DOCK2: variants seen among roughly 807,000 people sequenced by gnomAD.
The protein encoded by DOCK2 is dedicator of cytokinesis protein 2.
A neutral mutation model predicts 248.9 loss-of-function variants in DOCK2; 87 were observed. The observed-to-expected ratio is 0.35, with a 90% CI of 0.29 to 0.42. DOCK2 has a LOEUF of 0.42. Among genes scored for constraint, DOCK2 ranks in the 10% least tolerant of loss-of-function variants. The pLI is 1.00. For missense variants in DOCK2, 1,747 were observed against 2,300.2 expected (o/e 0.76, Z 4.92); for synonymous variants, 805 against 821.6 (o/e 0.98, Z 0.35).
intron 22 of DOCK2, among the ~76,000 whole-genome samples, chr5:169,721,748 A>G (rs1330444909): frequency 6.6e-6 from 1 of 152,218 alleles, no homozygotes; most frequent in Non-Finnish European, 1.5e-5. Context: ...TTCCTGTGTC[A>G]GTATGCAACG....
rs1248380098 is a variant in DOCK2, at chr5:169,800,944, C to CTTTCTT, written c.2555-2111_2555-2110insCTTTTT. Among the ~76,000 whole-genome samples, 366 of 53,184 alleles carry CTTTCTT rather than the reference C, an allele frequency of 6.9e-3. 44 individuals carry two copies. The highest frequency in any genetic ancestry group is 0.044 in the African/African-American group (312 of 7,148). 34.9% of individuals were successfully genotyped at this position (53,184 alleles called of 152,430 possible). ...TTTTTCTTTTTTCTTTTCTTTCTTTCTTTTTTTTTTTTTTTTTTTTTTTTT... is the reference window on the plus strand; with the variant it reads ...TTTTTCTTTTTTCTTTTCTTTCTTTCTTTCTTTTTTTTTTTTTTTTTTTTTTTTTTT... On this transcript the variant is annotated intron_variant, in intron 25 of 51. Coordinates refer to ENST00000520908, the MANE Select transcript of DOCK2 (RefSeq NM_004946.3).
At chr5:169,663,104 CA>C (rs1428089123) in intron 2 of DOCK2, among the ~76,000 whole-genome samples, 1 of 152,092 alleles carries the variant, frequency 6.6e-6, no homozygotes, top group Non-Finnish European at 1.5e-5. Context: ...AGAAATTAGC[CA>C]AAACAAAGGG....
intron 27 of DOCK2, among the ~76,000 whole-genome samples, chr5:169,871,747 C>T (rs1342618200): frequency 6.6e-6 from 1 of 152,136 alleles, no homozygotes; most frequent in African/African-American, 2.4e-5. Flanking sequence ...TCCTGGATGA[C>T]CTCACAGTCC....
intron 22 of DOCK2, among the ~76,000 whole-genome samples, chr5:169,727,976 A>G (rs1171551641): frequency 2.0e-5 from 3 of 152,218 alleles, no homozygotes; most frequent in Non-Finnish European, 2.9e-5. Flanking sequence ...TGGTGAAGCT[A>G]TCACAATAAT....
chr5:169,969,899 T>G (rs756732984), intron 27 of DOCK2, among the ~76,000 whole-genome samples: 3 of 152,222 alleles, frequency 2.0e-5, no homozygotes, highest in Non-Finnish European at 4.4e-5. Flanking sequence ...CAAGAGAAAC[T>G]GAATATCCAA....
chr5:169,751,398 C>T (rs903058318), intron 23 of DOCK2, among the ~76,000 whole-genome samples: 5 of 152,062 alleles, frequency 3.3e-5, no homozygotes, highest in East Asian at 1.9e-4. Flanking sequence ...ACGAGGTGAC[C>T]GGAGTCTTGA....
At chr5:170,059,328 C>G (rs1757247515) in intron 44 of DOCK2, among the ~76,000 whole-genome samples, 1 of 152,104 alleles carries the variant, frequency 6.6e-6, no homozygotes, top group Admixed American at 6.5e-5. Context: ...CAGTGAGGTA[C>G]ATACTATTAT....
At position 169,686,607 on chromosome 5, in the gene DOCK2, T is replaced by G. The variant is rs561739642; in HGVS notation, c.761+2257T>G. On this transcript the variant is annotated intron_variant, in intron 8 of 51. Transcript: ENST00000520908. ...TCTGGGAACACTCCCAATGTCAGTC[T>G]CACTCTGAAGAGCTGCTCTTTCCCT... Among the ~76,000 whole-genome samples the G allele has an allele frequency of 1.1e-3, 171 of 152,304 alleles. 2 individuals carry two copies. The highest frequency in any genetic ancestry group is 3.9e-3 in the African/African-American group (162 of 41,574).
rs746921027 is a variant in DOCK2 at position 170,067,614 on chromosome 5, C to T, written c.4572C>T (p.Ile1524=). The change falls in exon 45 of 52, where the codon ATC becomes ATT. Residue 1524 remains isoleucine, a synonymous_variant. Transcript: ENST00000520908. Reference sequence around the variant, plus strand: ...ACCAGAGTGATGAGACCCTCCCCATCAACCCACTCTCCATGCTCCTGAACG... The same window carrying T: ...ACCAGAGTGATGAGACCCTCCCCATTAACCCACTCTCCATGCTCCTGAACG... ...NQYQSDETLP[I]NPLSMLLNGI... is the part of the protein sequence containing the mutation. 1.2e-6 allele frequency: 2 copies of T among 1,614,210 alleles called. No individual in the cohort carries two copies. The highest frequency in any genetic ancestry group is 1.7e-5 in the Admixed American group (1 of 60,030).
At chr5:170,017,504 C>T (rs1226207612) in intron 32 of DOCK2, among the ~76,000 whole-genome samples, 3 of 152,186 alleles carry the variant, frequency 2.0e-5, no homozygotes, top group Non-Finnish European at 1.5e-5. Context: ...CAGTTCTGCT[C>T]AATACGGCTC....
chr5:169,788,174 C>T (rs913097007), intron 25 of DOCK2, among the ~76,000 whole-genome samples: 2 of 152,076 alleles, frequency 1.3e-5, no homozygotes, highest in African/African-American at 4.8e-5. Flanking sequence ...TCATATATGC[C>T]TTGAATCTGG....
intron 34 of DOCK2, among the ~76,000 whole-genome samples, chr5:170,032,058 G>C (rs1361647801): frequency 6.8e-6 from 1 of 147,072 alleles, no homozygotes; most frequent in Non-Finnish European, 1.5e-5. Flanking sequence ...ACGGAGTCTC[G>C]CTCTGTCGCC....
chr5:169,991,126 G>GA (rs1339492219), intron 29 of DOCK2, among the ~76,000 whole-genome samples: 5 of 152,256 alleles, frequency 3.3e-5, no homozygotes, highest in Non-Finnish European at 5.9e-5. Flanking sequence ...GGCTGAGTGG[G>GA]AAGGTGACCC....
At chr5:169,946,663 C>G (rs1447757208) in intron 27 of DOCK2, among the ~76,000 whole-genome samples, 2 of 152,186 alleles carry the variant, frequency 1.3e-5, no homozygotes, top group Non-Finnish European at 2.9e-5. Flanking sequence ...AGGCCAGTTC[C>G]TAGTCTCCTG....
intron 25 of DOCK2, among the ~76,000 whole-genome samples, chr5:169,769,801 A>C (rs1348339089): frequency 3.3e-5 from 5 of 152,250 alleles, no homozygotes; most frequent in Admixed American, 6.5e-5. Flanking sequence ...TGGCTCCCCC[A>C]TTGCAGAGTA....
chr5:170,020,341 G>T (rs1755678916), intron 33 of DOCK2, among the ~76,000 whole-genome samples: 1 of 152,138 alleles, frequency 6.6e-6, no homozygotes, highest in Non-Finnish European at 1.5e-5. Context: ...CACCTAGAAG[G>T]TCTTTTCTCC....
chr5:170,051,257 T>G (rs1268152246), intron 41 of DOCK2, among the ~76,000 whole-genome samples: 1 of 152,188 alleles, frequency 6.6e-6, no homozygotes, highest in African/African-American at 2.4e-5. Context: ...TCAAAACTGC[T>G]AAGCAAGGCC....
rs187863934 is a variant in DOCK2 at position 169,820,948 on chromosome 5, C to T, written c.2703+17742C>T. Among the ~76,000 whole-genome samples the T allele has an allele frequency of 2.0e-3, 304 of 152,274 alleles. 1 individual carries two copies. The highest frequency in any genetic ancestry group is 4.6e-3 in the South Asian group (22 of 4,820). On this transcript the variant is annotated intron_variant, in intron 26 of 51. Transcript: ENST00000520908. ...AAGGACCTGATGGAGCTGAAAACCA[C>T]GGCACGAGAACTACGTGACGAATGC...
At chr5:170,032,069 C>A (rs1318880540) in intron 34 of DOCK2, among the ~76,000 whole-genome samples, 1 of 151,476 alleles carries the variant, frequency 6.6e-6, no homozygotes. Context: ...CTCTGTCGCC[C>A]AGGCTGGAGT....
Sources: allele counts gnomAD v4.1 joint callset (sites outside exome capture counted in the v4.1 genomes callset), GRCh38; gene constraint gnomAD v4.1.1; transcripts MANE v1.5; gene names NCBI Gene and HGNC (gene_info 2026-07-23, HGNC 2026-07-21).